SLCO3A1: variants seen among roughly 807,000 people sequenced by gnomAD.
The protein encoded by SLCO3A1 is PGE1 transporter.
In SLCO3A1, 27 loss-of-function variants were observed where a neutral mutation model predicts 63.1. The ratio of observed to expected loss-of-function variants is 0.43; its 90% CI spans 0.32 to 0.59. The LOEUF is 0.59. Ranked by LOEUF, SLCO3A1 falls within the 20% of genes least tolerant of loss-of-function variation. SLCO3A1 has a pLI of 0.09. For synonymous variants in SLCO3A1, 473 were observed against 409.9 expected (o/e 1.15, Z -1.86); for missense variants, 773 against 945.8 (o/e 0.82, Z 2.40).
chr15:92,128,559 G>A, intron 7 of SLCO3A1, 70 bp downstream of exon 7: 1 of 1,443,346 alleles, frequency 6.9e-7, no homozygotes, highest in East Asian at 2.4e-5. Flanking sequence ...CCAAGTTTTT[G>A]CCCAGGTTGT....
intron 1 of SLCO3A1, among the ~76,000 whole-genome samples, chr15:91,909,366 G>T (rs1229054912): frequency 6.6e-6 from 1 of 152,150 alleles, no homozygotes; most frequent in African/African-American, 2.4e-5. Flanking sequence ...CTGCTTTTGT[G>T]TTATGGTGGT....
chr15:92,129,443 C>T (rs1303982098), intron 7 of SLCO3A1, among the ~76,000 whole-genome samples: 1 of 152,148 alleles, frequency 6.6e-6, no homozygotes, highest in Non-Finnish European at 1.5e-5. Flanking sequence ...CTCCAATGTC[C>T]CCTCCTCTGA....
At chr15:92,030,258 G>A (rs917156285) in intron 2 of SLCO3A1, among the ~76,000 whole-genome samples, 3 of 152,174 alleles carry the variant, frequency 2.0e-5, no homozygotes, top group Admixed American at 2.0e-4. Context: ...TCATGGCCTT[G>A]AGATTATGAA....
chr15:92,006,234 C>T (rs749146778), intron 2 of SLCO3A1, among the ~76,000 whole-genome samples: 1 of 152,132 alleles, frequency 6.6e-6, no homozygotes, highest in Non-Finnish European at 1.5e-5. Flanking sequence ...TTCTGCACTT[C>T]GAGAAAGAGC....
At chr15:92,064,463 C>G (rs1353321532) in intron 2 of SLCO3A1, among the ~76,000 whole-genome samples, 1 of 152,112 alleles carries the variant, frequency 6.6e-6, no homozygotes, top group African/African-American at 2.4e-5. Flanking sequence ...CCATTTGTTA[C>G]TTTGTACTCT....
intron 2 of SLCO3A1, among the ~76,000 whole-genome samples, chr15:91,951,985 G>A (rs186071775): frequency 1.8e-4 from 27 of 152,204 alleles, no homozygotes; most frequent in African/African-American, 6.0e-4. Context: ...CTTCCAAAGC[G>A]ACTGCACCAT....
intron 1 of SLCO3A1, among the ~76,000 whole-genome samples, chr15:91,864,820 G>A (rs540860638): frequency 1.3e-5 from 2 of 152,302 alleles, no homozygotes; most frequent in East Asian, 3.9e-4. Context: ...GAGCCCAACA[G>A]TGATGGTCAC....
intron 2 of SLCO3A1, among the ~76,000 whole-genome samples, chr15:91,923,980 A>C (rs1393621992): frequency 6.6e-6 from 1 of 152,252 alleles, no homozygotes; most frequent in African/African-American, 2.4e-5. Flanking sequence ...TGAAAACTTT[A>C]AAAGCTCAGG....
chr15:91,941,743 T>C lies in SLCO3A1; in HGVS notation c.646+25285T>C, dbSNP rs546318552. 3.3e-5 allele frequency among the ~76,000 whole-genome samples: 5 copies of C among 152,376 alleles called. No individual in the cohort carries two copies. The South Asian group carries it at 8.3e-4, about 25-fold the overall frequency. Reference sequence around the variant, plus strand: ...TTAAAATATCTTCTATTCATTAACCTTCATGGAGCTTGTCTGTGTGCAACT... The same window carrying C: ...TTAAAATATCTTCTATTCATTAACCCTCATGGAGCTTGTCTGTGTGCAACT... On this transcript the variant is annotated intron_variant, in intron 2 of 9. Coordinates refer to ENST00000318445, the MANE Select transcript of SLCO3A1 (RefSeq NM_013272.4). This position sits in a 1 kb window ranked among gnomAD's most constrained non-coding sequence, Gnocchi z 4.4.
intron 2 of SLCO3A1, among the ~76,000 whole-genome samples, chr15:91,964,430 T>C (rs1900581322): frequency 6.6e-6 from 1 of 152,106 alleles, no homozygotes; most frequent in Non-Finnish European, 1.5e-5. Context: ...CATGCATCAT[T>C]GCTTTTTTTT....
At chr15:91,984,894 G>A (rs2046031153) in intron 2 of SLCO3A1, among the ~76,000 whole-genome samples, 1 of 152,074 alleles carries the variant, frequency 6.6e-6, no homozygotes. Context: ...TTGGTGTTGT[G>A]TTTGTATTAT....
At chr15:91,908,025 C>T (rs1898366504) in intron 1 of SLCO3A1, among the ~76,000 whole-genome samples, 1 of 152,134 alleles carries the variant, frequency 6.6e-6, no homozygotes, top group Non-Finnish European at 1.5e-5. Context: ...ATAACTGTGA[C>T]GTGCAGGTGT....
At position 91,941,412 on chromosome 15, in the gene SLCO3A1, G is replaced by A. The variant is rs1899615728; in HGVS notation, c.646+24954G>A. The A allele has an allele frequency of 2.5e-6, 1 of 402,118 alleles. No homozygotes were observed. Among genetic ancestry groups the A allele is most frequent in the South Asian group, 1.8e-5 (1 of 54,614 alleles). 24.9% of individuals were successfully genotyped at this position (402,118 alleles called of 1,614,324 possible). A position where few individuals can be genotyped will look rare whatever the true frequency, so the allele number is the denominator to read the frequency against. ...CTGCCACCCAGCAGATCTGTGTCACGGGAGTGGCGCTGTCACTCGTTGAGG... is the reference window on the plus strand; with the variant it reads ...CTGCCACCCAGCAGATCTGTGTCACAGGAGTGGCGCTGTCACTCGTTGAGG... On this transcript the variant is annotated intron_variant, in intron 2 of 9. Transcript: ENST00000318445. The surrounding 1 kb of genome is among the most constrained non-coding windows in gnomAD (Gnocchi z 4.4).
chr15:91,940,114 C>T (rs965121567), intron 2 of SLCO3A1, among the ~76,000 whole-genome samples: 1 of 152,128 alleles, frequency 6.6e-6, no homozygotes, highest in East Asian at 1.9e-4. Flanking sequence ...CCTGGCCCTA[C>T]CACTTCAAAC....
intron 2 of SLCO3A1, among the ~76,000 whole-genome samples, chr15:91,951,553 C>CTTTTCTTTTTTTTTTTTTTTTTTTT (rs1900000364): frequency 6.9e-6 from 1 of 145,894 alleles, no homozygotes; most frequent in African/African-American, 2.6e-5. Flanking sequence ...TTTCTTTTTT[C>CTTTTCTTTTTTTTTTTTTTTTTTTT]TTTTCTTTTT....
At position 91,944,393 on chromosome 15, in the gene SLCO3A1, C is replaced by T. The variant is rs192577551; in HGVS notation, c.646+27935C>T. Among the ~76,000 whole-genome samples the T allele has an allele frequency of 3.5e-3, 535 of 152,248 alleles. 2 individuals are homozygous for T. Among genetic ancestry groups the T allele is most frequent in the Non-Finnish European group, 6.2e-3 (425 of 68,024 alleles). On this transcript the variant is annotated intron_variant, in intron 2 of 9. Transcript: ENST00000318445. Reference sequence around the variant, plus strand: ...AGAAAAGCAGTATTGGAAGGATGCTCCCAGACCTATCCACCAAAGTGAGAC... The same window carrying T: ...AGAAAAGCAGTATTGGAAGGATGCTTCCAGACCTATCCACCAAAGTGAGAC...
intron 7 of SLCO3A1, among the ~76,000 whole-genome samples, chr15:92,142,650 T>C (rs1024534068): frequency 2.0e-5 from 3 of 152,228 alleles, no homozygotes; most frequent in Non-Finnish European, 4.4e-5. Context: ...GCAAATCCTG[T>C]GGCAGCTTAA....
chr15:91,858,021 C>T lies in SLCO3A1; in HGVS notation c.180+3933C>T, dbSNP rs1353278892. ...GAGTGTGGTTAATGAGGCTCTATCT[C>T]ACTGCTTTGTAGTCACACTTTTTCT... is the stretch of plus-strand genomic sequence containing the variant. On this transcript the variant is annotated intron_variant, in intron 1 of 9. Transcript: ENST00000318445. Among the ~76,000 whole-genome samples, 3 of 152,172 alleles carry T rather than the reference C, an allele frequency of 2.0e-5. No individual in the cohort carries two copies. The East Asian group carries it at 5.8e-4, about 29-fold the overall frequency.
At chr15:92,064,012 T>G (rs34650528) in intron 2 of SLCO3A1, among the ~76,000 whole-genome samples, 17,520 of 152,248 alleles carry the variant, frequency 0.12, 1,127 homozygotes, top group East Asian at 0.27. Context: ...AGTTTAGGGA[T>G]GTGTTTACTC....
Sources: gnomAD v4.1 joint callset for allele counts (sites outside exome capture counted in the v4.1 genomes callset) on GRCh38, gnomAD v4.1.1 for gene constraint, Gnocchi (gnomAD v3.1) non-coding constraint, MANE v1.5 for transcripts, NCBI Gene and HGNC (gene_info 2026-07-23, HGNC 2026-07-21) for gene names.